AGBL1: variants seen among roughly 807,000 people sequenced by gnomAD.
AGBL1 encodes cytosolic carboxypeptidase 4.
AGBL1 carries 130 observed loss-of-function variants against 118.9 expected under a neutral mutation model. That is an observed-to-expected ratio of 1.09 (90% CI 0.95 to 1.26). AGBL1 has a LOEUF of 1.26. Ranked by LOEUF, AGBL1 falls within the 50% of genes most tolerant of loss-of-function variation. The pLI, the probability that AGBL1 is intolerant of heterozygous loss-of-function variation, is 0.00. For synonymous variants in AGBL1, 555 were observed against 478.9 expected (o/e 1.16, Z -2.08); for missense variants, 1,584 against 1,298.1 (o/e 1.22, Z -3.38).
intron 22 of AGBL1, among the ~76,000 whole-genome samples, chr15:86,734,871 T>TGG (rs2077571037): frequency 6.6e-6 from 1 of 152,210 alleles, no homozygotes; most frequent in South Asian, 2.1e-4. Context: ...AGTGAGCTGA[T>TGG]GGGGAATATG....
intron 22 of AGBL1, among the ~76,000 whole-genome samples, chr15:86,828,914 G>GTATATATATATATATATA (rs3059643): frequency 1.3e-4 from 18 of 141,862 alleles, no homozygotes; most frequent in East Asian, 6.3e-4. Flanking sequence ...AAGTTCAAAA[G>GTATATATATATATATATA]TATATATATA....
At chr15:87,017,010 G>A (rs534082170) in intron 24 of AGBL1, among the ~76,000 whole-genome samples, 3 of 152,206 alleles carry the variant, frequency 2.0e-5, no homozygotes, top group African/African-American at 7.2e-5. Flanking sequence ...CCCTAAGAGG[G>A]GAGCTAAATC....
chr15:86,139,669 T>A (rs1431774265), intron 1 of AGBL1, among the ~76,000 whole-genome samples: 1 of 152,172 alleles, frequency 6.6e-6, no homozygotes, highest in Non-Finnish European at 1.5e-5. Context: ...AGAGGTCTCA[T>A]CCTTCTCAGA....
intron 24 of AGBL1, among the ~76,000 whole-genome samples, chr15:87,017,536 G>A (rs2081619570): frequency 6.6e-6 from 1 of 152,136 alleles, no homozygotes; most frequent in South Asian, 2.1e-4. Context: ...CTAGAAAATG[G>A]CAGCAGTCCT....
intron 17 of AGBL1, among the ~76,000 whole-genome samples, chr15:86,363,756 C>T (rs1350786777): frequency 1.1e-4 from 16 of 152,220 alleles, no homozygotes; most frequent in East Asian, 5.8e-4. Context: ...TTTCCAAATG[C>T]CTGCTCGAGA....
At chr15:86,880,000 A>G (rs2079867841) in intron 22 of AGBL1, among the ~76,000 whole-genome samples, 2 of 152,212 alleles carry the variant, frequency 1.3e-5, no homozygotes, top group South Asian at 4.1e-4. Flanking sequence ...AGGAAAGAGA[A>G]GCAATGTGTT....
chr15:86,951,197 TA>T (rs1323894467), intron 23 of AGBL1, among the ~76,000 whole-genome samples: 2 of 152,190 alleles, frequency 1.3e-5, no homozygotes, highest in African/African-American at 4.8e-5. Flanking sequence ...CTCCTGGACC[TA>T]ATGTTAAGTG....
At chr15:86,837,837 CCTTT>C (rs2079189822) in intron 22 of AGBL1, among the ~76,000 whole-genome samples, 1 of 152,178 alleles carries the variant, frequency 6.6e-6, no homozygotes, top group Non-Finnish European at 1.5e-5. Context: ...TGAAGACCAA[CCTTT>C]CTTTCAGGCT....
chr15:86,134,771 G>A (rs906709792), intron 1 of AGBL1, among the ~76,000 whole-genome samples: 5 of 151,538 alleles, frequency 3.3e-5, no homozygotes, highest in East Asian at 3.9e-4. Context: ...GTGCCACTAC[G>A]CCCAGTTAAT....
intron 1 of AGBL1, among the ~76,000 whole-genome samples, chr15:86,090,791 A>G (rs1010273736): frequency 2.0e-5 from 3 of 152,104 alleles, no homozygotes; most frequent in Non-Finnish European, 4.4e-5. Context: ...CTTATACTTA[A>G]TGATGTTTGA....
chr15:86,654,918 T>G (rs1167880073), intron 21 of AGBL1, among the ~76,000 whole-genome samples: 1 of 151,990 alleles, frequency 6.6e-6, no homozygotes, highest in Non-Finnish European at 1.5e-5. Flanking sequence ...TCTCTCTCAG[T>G]AGGGTTATGC....
intron 21 of AGBL1, among the ~76,000 whole-genome samples, chr15:86,585,412 A>C (rs11858786): frequency 0.2 from 31,112 of 152,054 alleles, 3,375 homozygotes; most frequent in East Asian, 0.29. Context: ...ATTTATTTAG[A>C]GACAGGGTCT....
At chr15:86,707,268 A>C (rs2086467269) in intron 22 of AGBL1, among the ~76,000 whole-genome samples, 2 of 152,178 alleles carry the variant, frequency 1.3e-5, no homozygotes, top group South Asian at 4.1e-4. Context: ...AATGAATCCA[A>C]AAATTGGAAT....
At chr15:86,143,908 G>A in intron 3 of AGBL1, 63 bp downstream of exon 3, 1 of 1,563,094 alleles carries the variant, frequency 6.4e-7, no homozygotes, top group South Asian at 1.2e-5. Context: ...TATCATGAGT[G>A]CAATTTGGGA....
At chr15:86,858,202 AAAG>A (rs2079510876) in intron 22 of AGBL1, among the ~76,000 whole-genome samples, 1 of 152,204 alleles carries the variant, frequency 6.6e-6, no homozygotes, top group Non-Finnish European at 1.5e-5. Context: ...GTATCACAGA[AAAG>A]AAGGCAAAAG....
chr15:86,629,270 A>C (rs2084931370), intron 21 of AGBL1, among the ~76,000 whole-genome samples: 1 of 152,130 alleles, frequency 6.6e-6, no homozygotes, highest in Non-Finnish European at 1.5e-5. Context: ...GAAGGAAAAA[A>C]ATGTGTTTAT....
At chr15:86,147,238 C>G (rs545294586) in intron 3 of AGBL1, among the ~76,000 whole-genome samples, 1 of 152,064 alleles carries the variant, frequency 6.6e-6, no homozygotes, top group Non-Finnish European at 1.5e-5. Context: ...ACTGAGGTAC[C>G]GGGTTCATCT....
intron 22 of AGBL1, among the ~76,000 whole-genome samples, chr15:86,688,749 T>C (rs1032548008): frequency 7.9e-5 from 12 of 152,144 alleles, no homozygotes. Context: ...ATATTTGAAA[T>C]ACTAATTGGA....
intron 18 of AGBL1, among the ~76,000 whole-genome samples, chr15:86,406,308 C>T (rs556581343): frequency 6.6e-6 from 1 of 152,176 alleles, no homozygotes; most frequent in Non-Finnish European, 1.5e-5. Context: ...AGAGTTTTAA[C>T]AACAAGTGAA....
Sources: gnomAD v4.1 joint callset for allele counts (sites outside exome capture counted in the v4.1 genomes callset) on GRCh38, gnomAD v4.1.1 for gene constraint, MANE v1.5 for transcripts, NCBI Gene and HGNC (gene_info 2026-07-23, HGNC 2026-07-21) for gene names.